The following VGLL4 variants were observed in gnomAD, a reference collection of about 807,000 sequenced individuals.
VGLL4 encodes transcription cofactor vestigial-like protein 4.
In VGLL4, 7 loss-of-function variants were observed where a neutral mutation model predicts 21.0. That is an observed-to-expected ratio of 0.33 (90% CI 0.19 to 0.63). The LOEUF (loss-of-function observed/expected upper bound fraction) is 0.63. Among genes scored for constraint, VGLL4 ranks in the 20% least tolerant of loss-of-function variants. The pLI, the probability that VGLL4 is intolerant of heterozygous loss-of-function variation, is 0.78. For missense variants in VGLL4, 394 were observed against 425.7 expected (o/e 0.93, Z 0.66); for synonymous variants, 222 against 173.2 (o/e 1.28, Z -2.21).
At chr3:11,609,183 T>C (rs2075008267) in intron 1 of VGLL4, among the ~76,000 whole-genome samples, 1 of 152,174 alleles carries the variant, frequency 6.6e-6, no homozygotes, top group Non-Finnish European at 1.5e-5. Context: ...TCTGTTTCTT[T>C]ACTCACAAAA....
At chr3:11,654,534 A>G (rs543404252) in intron 2 of VGLL4, among the ~76,000 whole-genome samples, 2 of 152,358 alleles carry the variant, frequency 1.3e-5, no homozygotes, top group Non-Finnish European at 2.9e-5. Flanking sequence ...CTTGCAAGGC[A>G]TGAATTTTAC....
intron 2 of VGLL4, among the ~76,000 whole-genome samples, chr3:11,658,959 T>C (rs2075995346): frequency 6.6e-6 from 1 of 152,056 alleles, no homozygotes; most frequent in African/African-American, 2.4e-5. Flanking sequence ...ACCACACACA[T>C]ACAGCACCTC....
intron 1 of VGLL4, among the ~76,000 whole-genome samples, chr3:11,629,655 G>C (rs952899873): frequency 1.3e-5 from 2 of 151,318 alleles, no homozygotes; most frequent in Non-Finnish European, 2.9e-5. Flanking sequence ...GCTGAGGTAG[G>C]AGAATCACTT....
chr3:11,719,805 C>G lies in VGLL4; in HGVS notation c.-14+589G>C, dbSNP rs1204980866. Reference sequence around the variant, plus strand: ...GAGGCCGCTTTCCCTCCCCCGCCAGCTGCGCGCCCGGTGCCAGCTCGCACC... The same window carrying G: ...GAGGCCGCTTTCCCTCCCCCGCCAGGTGCGCGCCCGGTGCCAGCTCGCACC... On this transcript the variant is annotated intron_variant, in intron 1 of 5. Coordinates refer to the VGLL4 transcript ENST00000273038. The surrounding 1 kb of genome is among the most constrained non-coding windows in gnomAD (Gnocchi z 4.0). 6.6e-6 allele frequency among the ~76,000 whole-genome samples: 1 copy of G among 152,034 alleles called. No homozygotes were observed. The highest frequency in any genetic ancestry group is 2.4e-5 in the African/African-American group (1 of 41,408).
At chr3:11,671,326 C>A (rs367897906) in intron 2 of VGLL4, 83 of 1,470,890 alleles carry the variant, frequency 5.6e-5, no homozygotes, top group Middle Eastern at 1.7e-4. Flanking sequence ...TGTCAAAATG[C>A]GTATTCTCAG....
At chr3:11,597,227 T>G (rs2074668156) in intron 2 of VGLL4, among the ~76,000 whole-genome samples, 3 of 151,872 alleles carry the variant, frequency 2.0e-5, no homozygotes, top group Non-Finnish European at 2.9e-5. Flanking sequence ...AGATTGCACT[T>G]GAATATCAAG....
intron 1 of VGLL4, among the ~76,000 whole-genome samples, chr3:11,618,102 G>A (rs952776191): frequency 6.6e-6 from 1 of 151,984 alleles, no homozygotes; most frequent in African/African-American, 2.4e-5. Context: ...ACTTATAGAG[G>A]GAAAAATCTG....
Position 11,568,612 on chromosome 3 carries a change from G to T in VGLL4, c.273-3593C>A, listed in dbSNP as rs754728285. The T allele has an allele frequency of 6.4e-7, 1 of 1,568,984 alleles. No individual in the cohort carries two copies. Among genetic ancestry groups the T allele is most frequent in the Non-Finnish European group, 8.7e-7 (1 of 1,155,264 alleles). ...AAATTATACATTACTCACATTTCCA[G>T]CTCATTTTCCTGGTTCCCGGAGCTT... On this transcript the variant is annotated intron_variant, in intron 2 of 4. Transcript: ENST00000430365. The surrounding 1 kb of genome is among the most constrained non-coding windows in gnomAD (Gnocchi z 5.9).
chr3:11,593,358 A>G (rs536005369), intron 2 of VGLL4, among the ~76,000 whole-genome samples: 1 of 152,304 alleles, frequency 6.6e-6, no homozygotes, highest in African/African-American at 2.4e-5. Flanking sequence ...TCTTCTGCAA[A>G]AGATAAAGAA....
chr3:11,589,218 A>T (rs1220946453), intron 2 of VGLL4, among the ~76,000 whole-genome samples: 1 of 152,174 alleles, frequency 6.6e-6, no homozygotes, highest in Non-Finnish European at 1.5e-5. Context: ...GGTATGGATA[A>T]CAGCACTGGA....
At position 11,653,847 on chromosome 3, in the gene VGLL4, G is replaced by A. The variant is rs574569437; in HGVS notation, c.64+49124C>T. Reference sequence around the variant, plus strand: ...AGCAGCCACACTACGACTTTACTTCGCACTTCTCTGATGGACAGTAAGAAC... The same window carrying A: ...AGCAGCCACACTACGACTTTACTTCACACTTCTCTGATGGACAGTAAGAAC... On this transcript the variant is annotated intron_variant, in intron 2 of 5. Transcript: ENST00000273038. The surrounding 1 kb of genome is among the most constrained non-coding windows in gnomAD (Gnocchi z 4.2). 3.0e-4 allele frequency among the ~76,000 whole-genome samples: 45 copies of A among 152,162 alleles called. No homozygotes were observed. The highest frequency in any genetic ancestry group is 1.0e-3 in the Admixed American group (16 of 15,282).
chr3:11,691,048 T>C (rs969944568), intron 2 of VGLL4, among the ~76,000 whole-genome samples: 3 of 151,866 alleles, frequency 2.0e-5, no homozygotes, highest in Admixed American at 1.3e-4. Context: ...ACAGAGATAA[T>C]GATAGACGTA....
intron 2 of VGLL4, among the ~76,000 whole-genome samples, chr3:11,666,773 C>A (rs187451533): frequency 9.6e-4 from 146 of 152,340 alleles, no homozygotes; most frequent in Non-Finnish European, 1.5e-3. Flanking sequence ...TGAAAACCTA[C>A]AGGCTTCTAA....
intron 2 of VGLL4, among the ~76,000 whole-genome samples, chr3:11,670,755 G>T (rs1575515538): frequency 6.6e-6 from 1 of 152,142 alleles, no homozygotes; most frequent in East Asian, 1.9e-4. Flanking sequence ...AGAGAGTGGT[G>T]GGCCAGGCAC....
chr3:11,656,924 G>A (rs942605784), intron 2 of VGLL4, among the ~76,000 whole-genome samples: 1 of 152,168 alleles, frequency 6.6e-6, no homozygotes, highest in African/African-American at 2.4e-5. Context: ...GGACTGACCC[G>A]AGGAGGAGAG....
intron 2 of VGLL4, among the ~76,000 whole-genome samples, chr3:11,581,063 CTT>C (rs373891384): frequency 1.2e-4 from 12 of 104,034 alleles, no homozygotes; most frequent in Non-Finnish European, 1.4e-4. Context: ...TCTGCAACTC[CTT>C]TTTTTTTTTT....
At chr3:11,654,298 C>T (rs750742611) in intron 2 of VGLL4, among the ~76,000 whole-genome samples, 45 of 152,150 alleles carry the variant, frequency 3.0e-4, no homozygotes, top group Non-Finnish European at 3.8e-4. Flanking sequence ...ATACTAAGTG[C>T]CACACTCCAT....
chr3:11,659,153 C>T (rs1381618278), intron 2 of VGLL4, among the ~76,000 whole-genome samples: 2 of 152,134 alleles, frequency 1.3e-5, no homozygotes, highest in Non-Finnish European at 2.9e-5. Flanking sequence ...GAAGATCTCA[C>T]TCCACTGGCC....
At chr3:11,560,338 G>T (rs1195652417) in intron 3 of VGLL4, among the ~76,000 whole-genome samples, 1 of 152,222 alleles carries the variant, frequency 6.6e-6, no homozygotes, top group Admixed American at 6.5e-5. Context: ...CCCAGGAAAA[G>T]TATCTTCCAA....
Sources: gnomAD v4.1 joint callset for allele counts (sites outside exome capture counted in the v4.1 genomes callset) on GRCh38, gnomAD v4.1.1 for gene constraint, Gnocchi (gnomAD v3.1) non-coding constraint, MANE v1.5 for transcripts, NCBI Gene and HGNC (gene_info 2026-07-23, HGNC 2026-07-21) for gene names.